Variants in ZNF347 observed in about 807,000 individuals in gnomAD.
ZNF347 encodes the protein zinc finger protein 347.
A neutral mutation model predicts 12.9 loss-of-function variants in ZNF347; 19 were observed. The ratio of observed to expected loss-of-function variants is 1.47; its 90% CI spans 1.03 to 2.16. The LOEUF (loss-of-function observed/expected upper bound fraction) is 2.16. Among genes scored for constraint, ZNF347 ranks in the 30% most tolerant of loss-of-function variants. The probability of loss-of-function intolerance (pLI) is 0.00; values close to 1 mark genes in which losing one functional copy is unlikely to be tolerated. For synonymous variants in ZNF347, 328 were observed against 340.6 expected (o/e 0.96, Z 0.41); for missense variants, 1,005 against 990.6 (o/e 1.01, Z -0.19).
rs1241218578 is a variant in ZNF347, at chr19:53,137,510, C to A, written c.*2798G>T. 1 of 152,108 alleles carries A rather than the reference C, an allele frequency of 6.6e-6. No homozygotes were observed. Among genetic ancestry groups the A allele is most frequent in the African/African-American group, 2.4e-5 (1 of 41,428 alleles). The allele number at this position is 152,108 out of a possible 1,614,324, so 9.4% of individuals were successfully genotyped here. On this transcript the variant is annotated 3_prime_UTR_variant, in exon 5 of 5. Transcript: ENST00000334197. ...GTCAATCCTGCTTCTCACAGAAAGC[C>A]TCATTATGCAATACACATTTCCCTA...
intron 4 of ZNF347, among the ~76,000 whole-genome samples, chr19:53,146,143 T>G (rs947427037): frequency 6.6e-6 from 1 of 151,584 alleles, no homozygotes; most frequent in African/African-American, 2.4e-5. Flanking sequence ...GCCCGGCTAA[T>G]TTTGTATTTT....
intron 1 of ZNF347, among the ~76,000 whole-genome samples, chr19:53,156,916 T>C (rs770162060): frequency 1.3e-5 from 2 of 152,086 alleles, no homozygotes; most frequent in Admixed American, 6.6e-5. Flanking sequence ...AGAGAACGGG[T>C]TGTTGGTGGG....
At position 53,139,934 on chromosome 19, in the gene ZNF347, C is replaced by T. The variant is rs2090409275; in HGVS notation, c.*374G>A. The T allele has an allele frequency of 2.4e-5, 4 of 163,982 alleles. No homozygotes were observed. The highest frequency in any genetic ancestry group is 1.9e-4 in the South Asian group (1 of 5,370). 10.2% of individuals were successfully genotyped at this position (163,982 alleles called of 1,614,324 possible). ...TTTTCCTTTAAGATGGAGTTTTGCT[C>T]TTTTTGCCCAGGATGGAGTGCATTG... On this transcript the variant is annotated 3_prime_UTR_variant, in exon 5 of 5. Transcript: ENST00000334197.
chr19:53,143,010 C>T (rs1296209858), intron 4 of ZNF347, among the ~76,000 whole-genome samples: 1 of 152,080 alleles, frequency 6.6e-6, no homozygotes, highest in East Asian at 1.9e-4. Context: ...TGTATATTTA[C>T]TAAGAGGGCT....
In ZNF347 at chr19:53,153,950, C is replaced by T. The variant is rs978840638; in HGVS notation, c.-46-157G>A. On this transcript the variant is annotated intron_variant, in intron 1 of 4. Transcript: ENST00000334197. ...GAAAGATGGTCTCAGCTGCCCACTG[C>T]ACCAGGGCAATGCAGGGACAAGAAG... 3 of 598,850 alleles carry T rather than the reference C, an allele frequency of 5.0e-6. No homozygotes were observed. In the Admixed American group the frequency reaches 8.6e-5, roughly 17 times the overall value. The allele number at this position is 598,850 out of a possible 1,614,324, so 37.1% of individuals were successfully genotyped here. A position where few individuals can be genotyped will look rare whatever the true frequency, so the allele number is the denominator to read the frequency against.
At position 53,158,444 on chromosome 19, in the gene ZNF347, C is replaced by T. The variant is rs1009448234; in HGVS notation, c.-47+565G>A. 5.9e-5 allele frequency among the ~76,000 whole-genome samples: 9 copies of T among 152,134 alleles called. No homozygotes were observed. In the South Asian group the frequency reaches 6.2e-4, roughly 11 times the overall value. On this transcript the variant is annotated intron_variant, in intron 1 of 4. Coordinates refer to ENST00000334197, the MANE Select transcript of ZNF347 (RefSeq NM_032584.3). ...CCTCGCGGGCGAGGACTTTAAAAAG[C>T]CCGGGGCGGGAGGAGGGGTCAGGAA...
intron 4 of ZNF347, among the ~76,000 whole-genome samples, chr19:53,146,881 T>G (rs1309095527): frequency 6.6e-6 from 1 of 151,636 alleles, no homozygotes; most frequent in Non-Finnish European, 1.5e-5. Context: ...AAAAATTTCA[T>G]GTAGAAGAAA....
chr19:53,157,984 A>G (rs115777420), intron 1 of ZNF347, among the ~76,000 whole-genome samples: 2 of 152,240 alleles, frequency 1.3e-5, no homozygotes, highest in African/African-American at 4.8e-5. Flanking sequence ...CCATCTGGTT[A>G]CGGGTTTCCC....
At chr19:53,150,004 A>G (rs2090487677) in intron 2 of ZNF347, among the ~76,000 whole-genome samples, 1 of 152,196 alleles carries the variant, frequency 6.6e-6, no homozygotes, top group African/African-American at 2.4e-5. Context: ...AAATGGGTCA[A>G]TATAAATAAA....
At position 53,141,766 on chromosome 19, in the gene ZNF347, G is replaced by A. The variant is rs769820418; in HGVS notation, c.1062C>T (p.Phe354=). ...PYKCNECGKV[F]TQNSHLVRHR... ...GTCTTACAAGGTGTGAATTCTGAGTGAAGACCTTGCCACATTCGTTACATT... is the reference window on the plus strand; with the variant it reads ...GTCTTACAAGGTGTGAATTCTGAGTAAAGACCTTGCCACATTCGTTACATT... Residue 354 remains phenylalanine (F), a synonymous_variant, in exon 5 of 5, where the codon TTC becomes TTT. Transcript: ENST00000334197. 3 of 1,613,458 alleles carry A rather than the reference G, an allele frequency of 1.9e-6. No homozygotes were observed. The highest frequency in any genetic ancestry group is 2.5e-6 in the Non-Finnish European group (3 of 1,179,746).
chr19:53,156,852 GGTAGAGA>G (rs1323631346), intron 1 of ZNF347, among the ~76,000 whole-genome samples: 1 of 152,244 alleles, frequency 6.6e-6, no homozygotes. Flanking sequence ...GCTAACTCCA[GGTAGAGA>G]GTTTCAGAAT....
Position 53,140,280 on chromosome 19 carries a change from C to T in ZNF347, c.*28G>A. The stretch of plus-strand genomic sequence containing the variant: ...GAATGAATTCTAACTGCAAAAGTTA[C>T]CACCTTCATTTGTAAGGTTTCTCTC... On this transcript the variant is annotated 3_prime_UTR_variant, in exon 5 of 5. Coordinates refer to ENST00000334197, the MANE Select transcript of ZNF347 (RefSeq NM_032584.3). 2 of 1,516,256 alleles carry T rather than the reference C, an allele frequency of 1.3e-6. No individual in the cohort carries two copies. The highest frequency in any genetic ancestry group is 1.3e-5 in the South Asian group (1 of 74,368). 93.9% of individuals were successfully genotyped at this position (1,516,256 alleles called of 1,614,324 possible).
At chr19:53,154,466 A>G (rs2146814681) in intron 1 of ZNF347, among the ~76,000 whole-genome samples, 1 of 152,212 alleles carries the variant, frequency 6.6e-6, no homozygotes, top group East Asian at 1.9e-4. Flanking sequence ...GAAAGCCATG[A>G]GCTGAGTTGA....
Position 53,148,930 on chromosome 19 carries a change from A to G in ZNF347, c.143-121T>C, listed in dbSNP as rs974258863. ...AAAAAAACACTTCAAAAATTCATCCACTAAATGCTTCTTTATAAATTGTTA... is the reference window on the plus strand; with the variant it reads ...AAAAAAACACTTCAAAAATTCATCCGCTAAATGCTTCTTTATAAATTGTTA... On this transcript the variant is annotated intron_variant, in intron 3 of 4. Coordinates refer to ENST00000334197, the MANE Select transcript of ZNF347 (RefSeq NM_032584.3). 2.6e-5 allele frequency: 34 copies of G among 1,332,906 alleles called. 1 individual carries two copies. In the South Asian group the frequency reaches 5.1e-4, roughly 20 times the overall value. The allele number at this position is 1,332,906 out of a possible 1,614,324, so 82.6% of individuals were successfully genotyped here.
Position 53,138,703 on chromosome 19 carries a change from C to T in ZNF347, c.*1605G>A. The T allele has an allele frequency of 6.6e-6, 1 of 152,054 alleles. No homozygotes were observed. Among genetic ancestry groups the T allele is most frequent in the Non-Finnish European group, 1.5e-5 (1 of 68,012 alleles). 9.4% of individuals were successfully genotyped at this position (152,054 alleles called of 1,614,324 possible). On this transcript the variant is annotated 3_prime_UTR_variant, in exon 5 of 5. Coordinates refer to ENST00000334197, the MANE Select transcript of ZNF347 (RefSeq NM_032584.3). ...AAGAAAAAAAAAATTGTTCTACATC[C>T]TCCAACCTAAAAGACTGAGTGTATT...
chr19:53,149,248 G>A lies in ZNF347; in HGVS notation c.135C>T (p.Ala45=), dbSNP rs777391346. ...DVMLENYRNL[A]SLGISCFDLS... ...GAAGAAAGTCATCCTCACCCAGGGAGGCCAGGTTCCTATAATTCTCCAACA... is the reference window on the plus strand; with the variant it reads ...GAAGAAAGTCATCCTCACCCAGGGAAGCCAGGTTCCTATAATTCTCCAACA... Residue 45 remains alanine (A), a synonymous_variant, in exon 3 of 5, where the codon GCC becomes GCT. Transcript: ENST00000334197. 1 of 1,612,860 alleles carries A rather than the reference G, an allele frequency of 6.2e-7. No homozygotes were observed. Among genetic ancestry groups the A allele is most frequent in the South Asian group, 1.1e-5 (1 of 90,846 alleles).
Position 53,142,071 on chromosome 19 carries a change from T to G in ZNF347, c.757A>C (p.Lys253Gln). The stretch of plus-strand genomic sequence containing the variant: ...TAAGGGCTTCCCCAATTATTTGCTT[T>G]TTGCCCCTGTGTGAGTAATAAAGAA... ...ISSLLLTQGQ[K>Q]ANNWGSPYKS... Residue 253 changes from lysine to glutamine, a missense_variant, in exon 5 of 5, where the codon AAA becomes CAA. Transcript: ENST00000334197. 6.2e-7 allele frequency: 1 copy of G among 1,613,182 alleles called. No individual in the cohort carries two copies. Among genetic ancestry groups the G allele is most frequent in the Non-Finnish European group, 8.5e-7 (1 of 1,179,782 alleles).
Position 53,148,777 on chromosome 19 carries a change from T to C in ZNF347, c.175A>G (p.Met59Val), listed in dbSNP as rs1444906974. The C allele has an allele frequency of 2.5e-6, 4 of 1,613,920 alleles. No homozygotes were observed. Among genetic ancestry groups the C allele is most frequent in the Non-Finnish European group, 3.4e-6 (4 of 1,179,954 alleles). The change falls in exon 4 of 5, where the codon ATG becomes GTG. Residue 59 changes from methionine (M) to valine (V), a missense_variant. Coordinates refer to ENST00000334197, the MANE Select transcript of ZNF347 (RefSeq NM_032584.3). ...AAAGGCTCCTTCCCTTGCTCCAACA[T>C]AGAGATAATACTGAGGTCAAAACAA... ...ISCFDLSIISMLEQGKEPFTL... is the reference protein window; with the variant it reads ...ISCFDLSIISVLEQGKEPFTL...
chr19:53,155,912 T>C, intron 1 of ZNF347, among the ~76,000 whole-genome samples: 1 of 151,906 alleles, frequency 6.6e-6, no homozygotes, highest in Non-Finnish European at 1.5e-5. Context: ...TTTCCTTTAG[T>C]CTTTGAGATA....
Sources: gnomAD v4.1 joint callset for allele counts (sites outside exome capture counted in the v4.1 genomes callset) on GRCh38, gnomAD v4.1.1 for gene constraint, MANE v1.5 for transcripts, NCBI Gene and HGNC (gene_info 2026-07-23, HGNC 2026-07-21) for gene names.